The following PLA2G4E variants were observed in gnomAD, a reference collection of about 807,000 sequenced individuals.
PLA2G4E encodes the protein phospholipase A2 group IVE.
In PLA2G4E, 84 loss-of-function variants were observed where a neutral mutation model predicts 109.1. The observed-to-expected ratio is 0.77, with a 90% confidence interval of 0.65 to 0.92. The LOEUF is 0.92. PLA2G4E is among the 40% of genes least tolerant of loss of function. PLA2G4E has a pLI of 0.00. For synonymous variants in PLA2G4E, 469 were observed against 436.1 expected (o/e 1.08, Z -0.94); for missense variants, 1,057 against 1,076.6 (o/e 0.98, Z 0.25).
chr15:42,049,975 G>A (rs1668544), intron 1 of PLA2G4E, among the ~76,000 whole-genome samples: 14,379 of 152,236 alleles, frequency 0.094, 727 homozygotes, highest in South Asian at 0.19. Flanking sequence ...TTGCTCATAG[G>A]TGGGGTTTGC....
At chr15:41,983,878 G>A in exon 20 of PLA2G4E, 1 of 1,613,420 alleles carries the variant, frequency 6.2e-7, no homozygotes, top group African/African-American at 1.3e-5. Flanking sequence ...GTCAAAGGTG[G>A]CCTCTGTGTA....
chr15:42,013,593 A>C, intron 2 of PLA2G4E, 92 bp downstream of exon 2: 1 of 1,274,336 alleles, frequency 7.8e-7, no homozygotes, highest in Admixed American at 2.0e-5. Context: ...GCGCACACAC[A>C]CACACGGATC....
intron 6 of PLA2G4E, among the ~76,000 whole-genome samples, chr15:42,001,566 A>G (rs936271425): frequency 2.6e-5 from 4 of 152,228 alleles, no homozygotes; most frequent in African/African-American, 9.6e-5. Context: ...AGCCTTGTCA[A>G]GATGCTGAGG....
chr15:42,004,791 G>T, intron 5 of PLA2G4E, 147 bp downstream of exon 5: 1 of 860,786 alleles, frequency 1.2e-6, no homozygotes, highest in Non-Finnish European at 1.9e-6. Context: ...TGATTCTGAT[G>T]CACAGTGAAG....
chr15:42,000,234 C>A (rs776888413), exon 8 of PLA2G4E: 6 of 1,582,460 alleles, frequency 3.8e-6, no homozygotes, highest in Admixed American at 3.6e-5. Context: ...GGGCCGGACA[C>A]GCTGGGTGTT....
chr15:42,043,564 C>CAAAAAA (rs58079481), intron 1 of PLA2G4E, among the ~76,000 whole-genome samples: 1 of 95,320 alleles, frequency 1.0e-5, no homozygotes, highest in African/African-American at 3.8e-5. Flanking sequence ...ATGGAGGATA[C>CAAAAAA]AAAAAAAAAA....
At chr15:42,029,902 G>A (rs1329966863) in intron 1 of PLA2G4E, among the ~76,000 whole-genome samples, 1 of 152,166 alleles carries the variant, frequency 6.6e-6, no homozygotes, top group Non-Finnish European at 1.5e-5. Flanking sequence ...AATTTAAGTT[G>A]GATGAGGCAG....
intron 6 of PLA2G4E, 42 bp from the exon 7 acceptor site, chr15:42,001,262 G>T: frequency 6.5e-7 from 1 of 1,545,042 alleles, no homozygotes; most frequent in Non-Finnish European, 8.9e-7. Flanking sequence ...CTGAGCACCA[G>T]CCACCTCCTT....
At chr15:42,001,806 C>T in intron 6 of PLA2G4E, among the ~76,000 whole-genome samples, 1 of 152,190 alleles carries the variant, frequency 6.6e-6, no homozygotes, top group East Asian at 1.9e-4. Flanking sequence ...ATCCTCCCAC[C>T]TCAGCCTCCT....
chr15:41,988,472 T>C (rs892926817), intron 15 of PLA2G4E, among the ~76,000 whole-genome samples: 1 of 152,168 alleles, frequency 6.6e-6, no homozygotes, highest in Non-Finnish European at 1.5e-5. Flanking sequence ...TGTCAGTGAA[T>C]ACATCTAAAG....
intron 12 of PLA2G4E, among the ~76,000 whole-genome samples, chr15:41,995,070 A>G (rs1007418885): frequency 2.0e-5 from 3 of 152,262 alleles, no homozygotes; most frequent in Non-Finnish European, 2.9e-5. Context: ...CAGTAACACC[A>G]GGAAAGGCCA....
chr15:42,037,134 G>T (rs1045051531), intron 1 of PLA2G4E, among the ~76,000 whole-genome samples: 2 of 152,252 alleles, frequency 1.3e-5, no homozygotes, highest in African/African-American at 4.8e-5. Flanking sequence ...GCCTGTAGGT[G>T]CCCCTTGGCA....
exon 20 of PLA2G4E, chr15:41,983,743 C>G (rs113088736): frequency 2.5e-6 from 4 of 1,570,434 alleles, no homozygotes; most frequent in Non-Finnish European, 3.5e-6. Flanking sequence ...ACAGGGGAGG[C>G]TCCCTGGGGC....
intron 1 of PLA2G4E, among the ~76,000 whole-genome samples, chr15:42,029,238 C>T (rs1319263049): frequency 2.0e-5 from 3 of 152,158 alleles, no homozygotes; most frequent in Non-Finnish European, 4.4e-5. Context: ...GGATTACAGG[C>T]ACACATCACC....
At chr15:42,044,733 A>T (rs1889382028) in intron 1 of PLA2G4E, among the ~76,000 whole-genome samples, 1 of 151,874 alleles carries the variant, frequency 6.6e-6, no homozygotes, top group Non-Finnish European at 1.5e-5. Flanking sequence ...GTGTATACAT[A>T]TGTAACAAAC....
intron 6 of PLA2G4E, among the ~76,000 whole-genome samples, chr15:42,001,898 G>T (rs189323237): frequency 1.3e-5 from 2 of 152,268 alleles, no homozygotes; most frequent in Admixed American, 1.3e-4. Flanking sequence ...TCACTATGTT[G>T]CCCAGACTTG....
chr15:42,020,489 G>A (rs1566846604), intron 1 of PLA2G4E, among the ~76,000 whole-genome samples: 1 of 152,224 alleles, frequency 6.6e-6, no homozygotes, highest in Non-Finnish European at 1.5e-5. Context: ...CTTTGTGGCT[G>A]ATGGCAACAG....
intron 1 of PLA2G4E, among the ~76,000 whole-genome samples, chr15:42,022,421 T>C (rs1595572727): frequency 6.6e-6 from 1 of 152,170 alleles, no homozygotes; most frequent in East Asian, 1.9e-4. Context: ...GCACTTTATT[T>C]CTATTATTAT....
intron 10 of PLA2G4E, chr15:41,998,507 G>A (rs1668559): frequency 0.63 from 95,908 of 151,952 alleles, 32,153 homozygotes; most frequent in Non-Finnish European, 0.76. Flanking sequence ...TAAGGGCAAA[G>A]AGCTTTTCCA....
Sources: allele counts gnomAD v4.1 joint callset (sites outside exome capture counted in the v4.1 genomes callset), GRCh38; gene constraint gnomAD v4.1.1; transcripts MANE v1.5; gene names NCBI Gene and HGNC (gene_info 2026-07-23, HGNC 2026-07-21).